DNAH8: variants seen among roughly 807,000 people sequenced by gnomAD.
DNAH8 encodes the protein dynein axonemal heavy chain 8, also known as axonemal beta dynein heavy chain 8.
In DNAH8, 382 loss-of-function variants were observed where a neutral mutation model predicts 562.1. That is an observed-to-expected ratio of 0.68 (90% CI 0.63 to 0.74). The LOEUF is 0.74. DNAH8 is among the 30% of genes least tolerant of loss of function. DNAH8 has a pLI of 0.00. For missense variants in DNAH8, 5,203 were observed against 5,620.4 expected (o/e 0.93, Z 2.37); for synonymous variants, 1,881 against 1,919.4 (o/e 0.98, Z 0.52).
At chr6:39,028,785 A>G (rs1342105828) in intron 92 of DNAH8, among the ~76,000 whole-genome samples, 4 of 152,198 alleles carry the variant, frequency 2.6e-5, no homozygotes, top group Non-Finnish European at 5.9e-5. Context: ...ATTGTCACCC[A>G]CTGAGTTAAT....
At chr6:39,027,426 C>A (rs1462275794) in intron 92 of DNAH8, among the ~76,000 whole-genome samples, 7 of 152,174 alleles carry the variant, frequency 4.6e-5, no homozygotes, top group African/African-American at 1.7e-4. Flanking sequence ...GGGGGAAGAG[C>A]CCCCACTTCC....
intron 85 of DNAH8, 103 bp from the exon 86 acceptor site, chr6:38,982,243 G>A (rs1764082563): frequency 1.6e-6 from 1 of 643,018 alleles, no homozygotes; most frequent in Non-Finnish European, 2.9e-6. Flanking sequence ...TTAAACTAAT[G>A]TCAATTTATT....
intron 85 of DNAH8, 137 bp from the exon 86 acceptor site, chr6:38,982,209 T>C: frequency 1.6e-6 from 1 of 616,800 alleles, no homozygotes. Flanking sequence ...TGAATGTATA[T>C]CCAAAATTGT....
Position 39,012,365 on chromosome 6 carries a change from G to A in DNAH8, c.13522G>A (p.Glu4508Lys), listed in dbSNP as rs533039239. The A allele has an allele frequency of 2.5e-6, 4 of 1,611,200 alleles. No homozygotes were observed. Among genetic ancestry groups the A allele is most frequent in the South Asian group, 1.1e-5 (1 of 90,858 alleles). Residue 4508 changes from glutamate (E) to lysine (K), a missense_variant and splice_region_variant, in exon 90 of 93, where the codon GAG (glutamate) becomes AAG (lysine). Coordinates refer to ENST00000327475, the MANE Select transcript of DNAH8 (RefSeq NM_001206927.2). ...CATTGAAGGAACAATCATTATGAGT[G>A]AGGTGAGCTGTTATTACATCAGTAG... ...LAIEGTIIMS[E>K]NLRDALDNMY...
At position 38,783,198 on chromosome 6, in the gene DNAH8, C is replaced by CAT. The variant is rs1340998231; in HGVS notation, c.2395+61_2395+62dup. The CAT allele has an allele frequency of 2.6e-6, 4 of 1,544,574 alleles. No homozygotes were observed. The African/African-American group carries it at 5.5e-5, about 21-fold the overall frequency. ...GGGATTAGGTGATTTTGAATGAGTTCATAGTTCTGGAGAACTTTTTCCATC... is the reference window on the plus strand; with the variant it reads ...GGGATTAGGTGATTTTGAATGAGTTCATATAGTTCTGGAGAACTTTTTCCATC... On this transcript the variant is annotated intron_variant, in intron 17 of 92. Coordinates refer to ENST00000327475, the MANE Select transcript of DNAH8 (RefSeq NM_001206927.2).
intron 82 of DNAH8, among the ~76,000 whole-genome samples, chr6:38,955,685 A>C (rs1762198300): frequency 6.6e-6 from 1 of 152,142 alleles, no homozygotes. Context: ...AAGCAAGATG[A>C]ATTTATAGTG....
rs770382203 is a variant in DNAH8, at chr6:38,935,621, G to A, written c.11487G>A (p.Leu3829=). ...TAGAGGCTGAGAGGGTTAAACTTTT[G>A]GAGGATGTTACTTTTAATAAGCGGA... ...QELEAERVKL[L]EDVTFNKRKM... Residue 3829 remains leucine, a synonymous_variant, in exon 77 of 93, where the codon TTG becomes TTA. Coordinates refer to ENST00000327475, the MANE Select transcript of DNAH8 (RefSeq NM_001206927.2). The A allele has an allele frequency of 1.9e-5, 31 of 1,612,756 alleles. No individual in the cohort carries two copies. The highest frequency in any genetic ancestry group is 2.5e-5 in the Non-Finnish European group (30 of 1,179,590).
intron 26 of DNAH8, among the ~76,000 whole-genome samples, chr6:38,821,518 G>A (rs1340489204): frequency 1.3e-5 from 2 of 152,060 alleles, no homozygotes; most frequent in African/African-American, 4.8e-5. Context: ...ACCTATAATG[G>A]CCAAAAAAAT....
At chr6:38,911,407 G>A (rs1470066898) in intron 65 of DNAH8, 61 bp from the exon 66 acceptor site, 1 of 1,187,322 alleles carries the variant, frequency 8.4e-7, no homozygotes, top group Non-Finnish European at 1.3e-6. Flanking sequence ...CTTGGGAAAG[G>A]TGTCGTTTTA....
intron 12 of DNAH8, 71 bp downstream of exon 12, chr6:38,770,630 G>A: frequency 7.3e-7 from 1 of 1,370,584 alleles, no homozygotes; most frequent in Non-Finnish European, 9.7e-7. Flanking sequence ...TTTATGTAGT[G>A]CCATTGAGAA....
Position 38,918,088 on chromosome 6 carries a change from C to T in DNAH8, c.10472C>T (p.Thr3491Ile), listed in dbSNP as rs1317302890. 1.2e-6 allele frequency: 2 copies of T among 1,613,846 alleles called. No individual in the cohort carries two copies. Among genetic ancestry groups the T allele is most frequent in the Non-Finnish European group, 8.5e-7 (1 of 1,179,882 alleles). ...AATGTGGCTGGTCTCCTGTCTTGGACACTTGCTATGGCAATATTTTATGGC... is the reference window on the plus strand; with the variant it reads ...AATGTGGCTGGTCTCCTGTCTTGGATACTTGCTATGGCAATATTTTATGGC... ...CGNVAGLLSW[T>I]LAMAIFYGIN... The change falls in exon 70 of 93, where the codon ACA becomes ATA. Residue 3491 changes from threonine to isoleucine, a missense_variant. Thr to Ile is a moderately conservative substitution (Grantham distance 89). Coordinates refer to ENST00000327475, the MANE Select transcript of DNAH8 (RefSeq NM_001206927.2).
At chr6:38,836,378 C>T (rs936240032) in intron 32 of DNAH8, among the ~76,000 whole-genome samples, 2 of 150,776 alleles carry the variant, frequency 1.3e-5, no homozygotes, top group African/African-American at 2.4e-5. Flanking sequence ...ACCTGGGAGG[C>T]GAAGGTTGCA....
intron 8 of DNAH8, among the ~76,000 whole-genome samples, chr6:38,742,918 T>G (rs1307926562): frequency 6.6e-6 from 1 of 151,548 alleles, no homozygotes; most frequent in Non-Finnish European, 1.5e-5. Context: ...CAACTTCCCT[T>G]CCCCACCCCT....
chr6:39,012,668 G>A (rs992224970), intron 91 of DNAH8, 31 bp downstream of exon 91: 36 of 1,544,044 alleles, frequency 2.3e-5, no homozygotes, highest in Non-Finnish European at 3.2e-5. Context: ...TGGCAAGCTT[G>A]GAATTTGTGT....
intron 63 of DNAH8, among the ~76,000 whole-genome samples, chr6:38,907,339 G>T (rs528895273): frequency 7.9e-5 from 12 of 152,176 alleles, no homozygotes; most frequent in African/African-American, 2.9e-4. Context: ...TTTTTTTTAG[G>T]TTTGGTCACT....
intron 45 of DNAH8, 83 bp downstream of exon 45, chr6:38,864,143 A>G: frequency 8.2e-7 from 1 of 1,221,082 alleles, no homozygotes. Context: ...TAATGGGTAG[A>G]TGACCAACTA....
chr6:38,718,547 G>A (rs1486446172), intron 1 of DNAH8, among the ~76,000 whole-genome samples: 2 of 152,144 alleles, frequency 1.3e-5, no homozygotes, highest in Non-Finnish European at 2.9e-5. Flanking sequence ...CAAAATGGCA[G>A]TGGTCATGTA....
At chr6:38,722,552 T>TA (rs1762835971) in intron 1 of DNAH8, among the ~76,000 whole-genome samples, 1 of 150,886 alleles carries the variant, frequency 6.6e-6, no homozygotes, top group African/African-American at 2.4e-5. Flanking sequence ...GAGGAGCACT[T>TA]AAAGTCTGAA....
chr6:38,803,075 C>A, intron 21 of DNAH8, 104 bp from the exon 22 acceptor site: 1 of 771,230 alleles, frequency 1.3e-6, no homozygotes, highest in Non-Finnish European at 1.9e-6. Flanking sequence ...CTTTTTTTTT[C>A]AAGTGAAGTT....
Sources: gnomAD v4.1 joint callset for allele counts (sites outside exome capture counted in the v4.1 genomes callset) on GRCh38, gnomAD v4.1.1 for gene constraint, MANE v1.5 for transcripts, NCBI Gene and HGNC (gene_info 2026-07-23, HGNC 2026-07-21) for gene names.